KALRN: variants seen among roughly 807,000 people sequenced by gnomAD.
KALRN encodes the protein kalirin RhoGEF kinase.
KALRN carries 70 observed loss-of-function variants against 353.7 expected under a neutral mutation model. The observed-to-expected ratio is 0.20, with a 90% CI of 0.16 to 0.24. The LOEUF (loss-of-function observed/expected upper bound fraction) is 0.24. Among genes scored for constraint, KALRN ranks in the 10% least tolerant of loss-of-function variants. The pLI is 1.00. For missense variants in KALRN, 2,791 were observed against 3,756.7 expected (o/e 0.74, Z 6.72); for synonymous variants, 1,391 against 1,434.8 (o/e 0.97, Z 0.69).
At chr3:124,661,423 G>C (rs1559793658) in intron 44 of KALRN, among the ~76,000 whole-genome samples, 1 of 152,304 alleles carries the variant, frequency 6.6e-6, no homozygotes, top group East Asian at 1.9e-4. Context: ...GTCACTATGG[G>C]ATTATTTTAA....
At chr3:124,691,649 C>A (rs985416788) in intron 51 of KALRN, among the ~76,000 whole-genome samples, 2 of 152,134 alleles carry the variant, frequency 1.3e-5, no homozygotes, top group African/African-American at 4.8e-5. Context: ...GACAAAGCCA[C>A]CCTTAAACCT....
intron 17 of KALRN, 73 bp downstream of exon 17, chr3:124,434,598 G>A (rs2093398545): frequency 8.0e-6 from 11 of 1,371,042 alleles, no homozygotes; most frequent in Non-Finnish European, 1.1e-5. Flanking sequence ...CAGTGTAAAT[G>A]TGCAGTGCTT....
chr3:124,250,126 C>T (rs928129158), intron 3 of KALRN, among the ~76,000 whole-genome samples: 6 of 152,084 alleles, frequency 3.9e-5, no homozygotes, highest in African/African-American at 9.7e-5. Flanking sequence ...CATGTGTCTG[C>T]GTGCTGCAGG....
intron 34 of KALRN, among the ~76,000 whole-genome samples, chr3:124,597,505 C>A (rs2076383450): frequency 6.6e-6 from 1 of 152,128 alleles, no homozygotes; most frequent in Admixed American, 6.5e-5. Context: ...TCACTGCGTG[C>A]TAAAGAGCAG....
Position 124,446,292 on chromosome 3 carries a change from C to CCCTGG in KALRN, c.3429+18_3429+22dup, listed in dbSNP as rs774849103. 3.2e-6 allele frequency: 5 copies of CCCTGG among 1,578,108 alleles called. No homozygotes were observed. The Admixed American group carries it at 8.4e-5, about 26-fold the overall frequency. On this transcript the variant is annotated intron_variant, in intron 20 of 59. Transcript: ENST00000682506. ...CGCTAAGCAGGTTGTCCAAAGCTTT[C>CCCTGG]CCTGGCACTATCTCAGTTCTGGGGA...
intron 1 of KALRN, among the ~76,000 whole-genome samples, chr3:124,093,068 G>A (rs749927015): frequency 1.5e-4 from 23 of 152,286 alleles, no homozygotes; most frequent in East Asian, 1.9e-4. Flanking sequence ...CAATGCTGCC[G>A]TTTAAGAAGA....
intron 14 of KALRN, among the ~76,000 whole-genome samples, chr3:124,417,475 T>G (rs2092569824): frequency 6.6e-6 from 1 of 152,226 alleles, no homozygotes; most frequent in Non-Finnish European, 1.5e-5. Flanking sequence ...TTTTGTGATT[T>G]ACACAACGCG....
chr3:124,425,642 C>G (rs1218467083), intron 15 of KALRN, among the ~76,000 whole-genome samples: 2 of 152,158 alleles, frequency 1.3e-5, no homozygotes, highest in Non-Finnish European at 2.9e-5. Context: ...AAAATCATTC[C>G]TATTTGACTT....
At chr3:124,269,345 C>T (rs1373120254) in intron 5 of KALRN, 90 bp downstream of exon 5, 4 of 1,387,102 alleles carry the variant, frequency 2.9e-6, no homozygotes, top group Non-Finnish European at 3.9e-6. Flanking sequence ...ATAGTACTTT[C>T]CTGGAAAGCT....
chr3:124,677,472 C>T (rs1046957852), intron 49 of KALRN: 2 of 400,116 alleles, frequency 5.0e-6, no homozygotes, highest in East Asian at 7.5e-5. Flanking sequence ...GCTCTCACCT[C>T]CCTGGGAGCA....
chr3:124,482,933 T>C (rs1476519275), intron 28 of KALRN, 33 bp downstream of exon 28: 4 of 1,401,552 alleles, frequency 2.9e-6, no homozygotes, highest in African/African-American at 1.4e-5. Flanking sequence ...CCCCCTCCAC[T>C]GCCTACTGCC....
At position 124,489,610 on chromosome 3, in the gene KALRN, CTGTT is replaced by C. The variant is rs576771551; in HGVS notation, c.4397-1080_4397-1077del. Among the ~76,000 whole-genome samples the C allele has an allele frequency of 1.2e-3, 183 of 152,312 alleles. 1 individual carries two copies. Among genetic ancestry groups the C allele is most frequent in the African/African-American group, 4.2e-3 (176 of 41,582 alleles). ...ACATTTTTCTCCACTCCTTTCCTCT[CTGTT>C]TGTACCTTCCCCTCCACCCCACCCT... On this transcript the variant is annotated intron_variant, in intron 29 of 59. Transcript: ENST00000682506.
chr3:124,475,231 C>A (rs1218498050), intron 26 of KALRN, among the ~76,000 whole-genome samples: 1 of 152,144 alleles, frequency 6.6e-6, no homozygotes, highest in East Asian at 1.9e-4. Context: ...TTCCACCTAA[C>A]AATTGGTTAC....
At chr3:124,644,803 T>G (rs542307650) in intron 37 of KALRN, among the ~76,000 whole-genome samples, 1 of 152,346 alleles carries the variant, frequency 6.6e-6, no homozygotes, top group South Asian at 2.1e-4. Flanking sequence ...TCATGTGTCT[T>G]TATAGTAGAA....
At chr3:124,078,762 C>G (rs1343350700) in intron 1 of KALRN, among the ~76,000 whole-genome samples, 3 of 152,186 alleles carry the variant, frequency 2.0e-5, no homozygotes, top group Non-Finnish European at 4.4e-5. Flanking sequence ...TGCATTTACT[C>G]GCAAGCACTT....
At chr3:124,318,476 G>A (rs986443498) in intron 6 of KALRN, among the ~76,000 whole-genome samples, 1 of 152,108 alleles carries the variant, frequency 6.6e-6, no homozygotes, top group African/African-American at 2.4e-5. Context: ...GGATCAGCAG[G>A]TTTACATGGT....
intron 3 of KALRN, among the ~76,000 whole-genome samples, chr3:124,262,113 C>T (rs2072963185): frequency 6.6e-6 from 1 of 152,120 alleles, no homozygotes; most frequent in Non-Finnish European, 1.5e-5. Context: ...TACTGTCATA[C>T]ACTGCTGGTG....
chr3:124,276,680 T>A (rs2074759477), intron 5 of KALRN, among the ~76,000 whole-genome samples: 1 of 152,238 alleles, frequency 6.6e-6, no homozygotes, highest in South Asian at 2.1e-4. Context: ...TTCACACCCA[T>A]GACCTTAGAG....
chr3:124,679,856 A>G (rs2087588900), intron 51 of KALRN: 4 of 374,374 alleles, frequency 1.1e-5, no homozygotes, highest in Non-Finnish European at 2.0e-5. Context: ...ACAGCACTGT[A>G]AAGAGTGGAT....
Sources: gnomAD v4.1 joint callset for allele counts (sites outside exome capture counted in the v4.1 genomes callset) on GRCh38, gnomAD v4.1.1 for gene constraint, MANE v1.5 for transcripts, NCBI Gene and HGNC (gene_info 2026-07-23, HGNC 2026-07-21) for gene names.